Variants in NEMP2 observed in about 807,000 individuals in gnomAD.
NEMP2 encodes nuclear envelope integral membrane protein 2.
In NEMP2, 53 loss-of-function variants were observed where a neutral mutation model predicts 54.2. The ratio of observed to expected loss-of-function variants is 0.98; its 90% CI spans 0.78 to 1.23. The LOEUF is 1.23. NEMP2 is among the 50% of genes most tolerant of loss of function. The pLI is 0.00. For synonymous variants in NEMP2, 197 were observed against 190.3 expected (o/e 1.04, Z -0.29); for missense variants, 455 against 511.3 (o/e 0.89, Z 1.06).
the NEMP2 span, among the ~76,000 whole-genome samples, chr2:190,540,775 A>G: frequency 6.6e-6 from 1 of 152,110 alleles, no homozygotes; most frequent in Non-Finnish European, 1.5e-5. Flanking sequence ...TCCCTCCTCA[A>G]TTTTTAAAAA....
the NEMP2 span, chr2:190,464,725 G>A: frequency 5.9e-6 from 1 of 169,254 alleles, no homozygotes; most frequent in African/African-American, 2.4e-5. Context: ...ATATCTCTTA[G>A]TATATTATAT....
chr2:190,496,681 TATACACA>T, the NEMP2 span, among the ~76,000 whole-genome samples: 2 of 151,882 alleles, frequency 1.3e-5, no homozygotes, highest in African/African-American at 4.8e-5. This position sits in a 1 kb window ranked among gnomAD's most constrained non-coding sequence, Gnocchi z 4.7. Flanking sequence ...TGTGTGTGTA[TATACACA>T]CACACACATA....
At chr2:190,552,204 T>C in the NEMP2 span, among the ~76,000 whole-genome samples, 1 of 152,202 alleles carries the variant, frequency 6.6e-6, no homozygotes. Context: ...TCAAGTTTCA[T>C]TGCTTCCCCC....
chr2:190,488,806 G>T, the NEMP2 span: 1 of 1,567,772 alleles, frequency 6.4e-7, no homozygotes, highest in Non-Finnish European at 8.6e-7. The surrounding 1 kb of genome is among the most constrained non-coding windows in gnomAD (Gnocchi z 6.4). Context: ...AGGCGTGTTA[G>T]TCAATTATTT....
the NEMP2 span, among the ~76,000 whole-genome samples, chr2:190,452,870 A>G: frequency 1.3e-4 from 20 of 152,196 alleles, no homozygotes; most frequent in South Asian, 2.1e-4. Flanking sequence ...ACTTGTACTG[A>G]ATATAAGTGG....
chr2:190,619,993 C>T, the NEMP2 span, among the ~76,000 whole-genome samples: 2 of 152,176 alleles, frequency 1.3e-5, no homozygotes, highest in South Asian at 2.1e-4. This position sits in a 1 kb window ranked among gnomAD's most constrained non-coding sequence, Gnocchi z 5.5. Flanking sequence ...AAAGGTACCA[C>T]TTAGCACCTG....
chr2:190,613,726 T>G, the NEMP2 span, among the ~76,000 whole-genome samples: 2 of 152,158 alleles, frequency 1.3e-5, no homozygotes, highest in Admixed American at 1.3e-4. Context: ...TAGCTGGGAT[T>G]ACAGGTGCCC....
chr2:190,576,302 G>GA, the NEMP2 span, among the ~76,000 whole-genome samples: 1 of 152,106 alleles, frequency 6.6e-6, no homozygotes, highest in Non-Finnish European at 1.5e-5. Context: ...TATTGCCGTG[G>GA]AAAATCACTG....
chr2:190,597,259 T>C, the NEMP2 span, among the ~76,000 whole-genome samples: 11 of 130,538 alleles, frequency 8.4e-5, no homozygotes, highest in East Asian at 2.4e-3. The surrounding 1 kb of genome is among the most constrained non-coding windows in gnomAD (Gnocchi z 4.7). Context: ...CAAGACTCTG[T>C]CTCCAAAAAA....
the NEMP2 span, among the ~76,000 whole-genome samples, chr2:190,545,369 C>A: frequency 5.9e-5 from 9 of 152,124 alleles, no homozygotes; most frequent in African/African-American, 2.2e-4. Context: ...TTTTTCCCCC[C>A]ACTGGGGTAA....
At chr2:190,489,716 C>T in the NEMP2 span, 15 of 1,506,836 alleles carry the variant, frequency 1.0e-5, 1 homozygote, top group East Asian at 6.8e-5. This position sits in a 1 kb window ranked among gnomAD's most constrained non-coding sequence, Gnocchi z 6.6. Context: ...TTTAGATGAG[C>T]GCTATCTGCA....
At chr2:190,622,311 G>A in the NEMP2 span, among the ~76,000 whole-genome samples, 1 of 151,100 alleles carries the variant, frequency 6.6e-6, no homozygotes, top group Admixed American at 6.6e-5. Flanking sequence ...AGGAGGCTGA[G>A]GTGGGAGGAT....
chr2:190,540,042 T>C, the NEMP2 span, among the ~76,000 whole-genome samples: 7 of 152,322 alleles, frequency 4.6e-5, no homozygotes, highest in Non-Finnish European at 8.8e-5. Flanking sequence ...TTCAGTATAA[T>C]GTTAACTATG....
At position 190,527,700 on chromosome 2, in the gene NEMP2, A is replaced by G. The variant is rs1574313900; in HGVS notation, c.98-2322T>C. Among the ~76,000 whole-genome samples the G allele has an allele frequency of 6.6e-6, 1 of 152,158 alleles. No individual in the cohort carries two copies. Among genetic ancestry groups the G allele is most frequent in the African/African-American group, 2.4e-5 (1 of 41,434 alleles). ...CAATACCAGTCCATGGTCTGTTAGG[A>G]ACAGGGCTGCAGGAGGTGAGCGGTG... On this transcript the variant is annotated intron_variant, in intron 1 of 8. Transcript: ENST00000409150. The surrounding 1 kb of genome is among the most constrained non-coding windows in gnomAD (Gnocchi z 4.0).
chr2:190,555,074 G>A, the NEMP2 span, among the ~76,000 whole-genome samples: 3 of 152,006 alleles, frequency 2.0e-5, no homozygotes, highest in Non-Finnish European at 4.4e-5. The surrounding 1 kb of genome is among the most constrained non-coding windows in gnomAD (Gnocchi z 4.8). Context: ...TGCAGCAGAG[G>A]GGCCTGACTG....
chr2:190,445,698 T>C, the NEMP2 span, among the ~76,000 whole-genome samples: 1 of 152,230 alleles, frequency 6.6e-6, no homozygotes. Context: ...CCTCTCCTGG[T>C]ACCTTGGTTT....
the NEMP2 span, among the ~76,000 whole-genome samples, chr2:190,427,023 G>C: frequency 6.6e-6 from 1 of 152,154 alleles, no homozygotes; most frequent in African/African-American, 2.4e-5. Flanking sequence ...CTCCCCAGTA[G>C]GCCTCCTCAC....
the NEMP2 span, among the ~76,000 whole-genome samples, chr2:190,496,772 G>A: frequency 7.9e-5 from 12 of 152,318 alleles, no homozygotes; most frequent in Non-Finnish European, 1.2e-4. The surrounding 1 kb of genome is among the most constrained non-coding windows in gnomAD (Gnocchi z 4.7). Flanking sequence ...CAACCTGGAT[G>A]GAACTGGAGA....
chr2:190,466,763 T>C, the NEMP2 span, among the ~76,000 whole-genome samples: 1 of 152,176 alleles, frequency 6.6e-6, no homozygotes, highest in Non-Finnish European at 1.5e-5. Flanking sequence ...AGGGTACCTG[T>C]TTGCTCCTAA....
Sources: gnomAD v4.1 joint callset for allele counts (sites outside exome capture counted in the v4.1 genomes callset) on GRCh38, gnomAD v4.1.1 for gene constraint, Gnocchi (gnomAD v3.1) non-coding constraint, MANE v1.5 for transcripts, NCBI Gene and HGNC (gene_info 2026-07-23, HGNC 2026-07-21) for gene names.